Variants in KAT2B observed in about 807,000 individuals in gnomAD.
KAT2B encodes histone acetyltransferase KAT2B.
KAT2B carries 36 observed loss-of-function variants against 105.9 expected under a neutral mutation model. That is an observed-to-expected ratio of 0.34 (90% CI 0.26 to 0.45). The LOEUF is 0.45. KAT2B is among the 20% of genes least tolerant of loss of function. KAT2B has a pLI of 1.00. For missense variants in KAT2B, 820 were observed against 1,021.6 expected, an observed-to-expected ratio of 0.80 and a Z score of 2.69; for synonymous variants, 397 against 377.9, an observed-to-expected ratio of 1.05 and a Z score of -0.59.
At chr3:20,126,518 TA>T (rs34431414) in intron 10 of KAT2B, among the ~76,000 whole-genome samples, 62 of 141,652 alleles carry the variant, frequency 4.4e-4, no homozygotes, top group Non-Finnish European at 5.7e-4. Flanking sequence ...ATCCATTGCT[TA>T]AAAAAAAAAA....
At chr3:20,068,089 C>T (rs768928628) in intron 1 of KAT2B, among the ~76,000 whole-genome samples, 6 of 151,794 alleles carry the variant, frequency 4.0e-5, no homozygotes, top group East Asian at 1.9e-4. Flanking sequence ...CTCTGCCTCC[C>T]GGGTTCAAGC....
intron 13 of KAT2B, 115 bp from the exon 14 acceptor site, chr3:20,146,201 A>T: frequency 1.5e-6 from 1 of 674,356 alleles, no homozygotes; most frequent in East Asian, 2.5e-5. Context: ...CCTTTCTCCC[A>T]TCTTATTTCA....
At chr3:20,061,962 A>G (rs1201703919) in intron 1 of KAT2B, among the ~76,000 whole-genome samples, 4 of 108,050 alleles carry the variant, frequency 3.7e-5, no homozygotes, top group Non-Finnish European at 7.0e-5. Flanking sequence ...TATATAAAAC[A>G]TAATATATAT....
intron 8 of KAT2B, among the ~76,000 whole-genome samples, chr3:20,121,126 T>C (rs1367943970): frequency 6.6e-6 from 1 of 152,204 alleles, no homozygotes; most frequent in African/African-American, 2.4e-5. Context: ...TCTGAAAATA[T>C]TGTTACTTGT....
At position 20,097,437 on chromosome 3, in the gene KAT2B, A is replaced by G. The variant is rs1053430473; in HGVS notation, c.576+2029A>G. 3.3e-5 allele frequency among the ~76,000 whole-genome samples: 5 copies of G among 152,214 alleles called. No individual in the cohort carries two copies. The East Asian group carries it at 9.6e-4, about 29-fold the overall frequency. ...TCAGCATTCTCCCCACCTCCTGCAA[A>G]AAGTATTATTCTTGGGCAAATAAGT... On this transcript the variant is annotated intron_variant, in intron 3 of 17. Transcript: ENST00000263754.
chr3:20,046,053 A>G (rs1344273998), intron 1 of KAT2B, among the ~76,000 whole-genome samples: 7 of 152,266 alleles, frequency 4.6e-5, no homozygotes, highest in Admixed American at 6.5e-5. Context: ...GCATGTATAA[A>G]GTGGTGATCA....
intron 9 of KAT2B, among the ~76,000 whole-genome samples, chr3:20,125,504 C>A (rs1416518978): frequency 6.6e-6 from 1 of 152,168 alleles, no homozygotes; most frequent in Non-Finnish European, 1.5e-5. Context: ...TGGAACAGTA[C>A]TGCACCCATT....
At chr3:20,056,110 G>A (rs1697999767) in intron 1 of KAT2B, among the ~76,000 whole-genome samples, 1 of 152,170 alleles carries the variant, frequency 6.6e-6, no homozygotes, top group African/African-American at 2.4e-5. Flanking sequence ...GCTGCTCTGA[G>A]AAGAATAAAG....
chr3:20,060,497 A>G lies in KAT2B; in HGVS notation c.304-11836A>G, dbSNP rs549276582. Among the ~76,000 whole-genome samples, 366 of 152,296 alleles carry G rather than the reference A, an allele frequency of 2.4e-3. 1 individual carries two copies. Among genetic ancestry groups the G allele is most frequent in the African/African-American group, 8.5e-3 (352 of 41,570 alleles). On this transcript the variant is annotated intron_variant, in intron 1 of 17. Coordinates refer to ENST00000263754, the MANE Select transcript of KAT2B (RefSeq NM_003884.5). ...ATGCCTGTAATCCCAGCTACTGGGG[A>G]GGCTGAGGCAGGAGAATCTCTTAAA...
intron 2 of KAT2B, among the ~76,000 whole-genome samples, chr3:20,073,249 A>C (rs1698358962): frequency 6.6e-6 from 1 of 152,172 alleles, no homozygotes; most frequent in African/African-American, 2.4e-5. Context: ...AGTCTCCCCC[A>C]AAATGTCAAC....
At chr3:20,077,044 T>C (rs1167210810) in intron 2 of KAT2B, among the ~76,000 whole-genome samples, 1 of 152,124 alleles carries the variant, frequency 6.6e-6, no homozygotes, top group East Asian at 1.9e-4. Context: ...TTTTGTGTAG[T>C]CTCCTGACAA....
chr3:20,149,239 CAG>C (rs1312763913), intron 17 of KAT2B, among the ~76,000 whole-genome samples: 3 of 152,068 alleles, frequency 2.0e-5, no homozygotes, highest in South Asian at 4.1e-4. Flanking sequence ...TGGAGAGAGC[CAG>C]AGTCTTCTGT....
At chr3:20,123,716 A>T (rs773027860) in intron 9 of KAT2B, among the ~76,000 whole-genome samples, 2 of 152,170 alleles carry the variant, frequency 1.3e-5, no homozygotes, top group Non-Finnish European at 2.9e-5. Context: ...AGTCTCCTTT[A>T]AAACAACTCC....
chr3:20,087,327 TTA>T (rs1179996323), intron 2 of KAT2B, among the ~76,000 whole-genome samples: 3 of 152,198 alleles, frequency 2.0e-5, no homozygotes, highest in Non-Finnish European at 4.4e-5. Flanking sequence ...ATATGTACAA[TTA>T]TATGTTAATT....
chr3:20,140,302 T>A lies in KAT2B; in HGVS notation c.1942T>A (p.Cys648Ser). ...KDYEGATLMG[C>S]ELNPRIPYTE... The stretch of plus-strand genomic sequence containing the variant: ...TTATGAAGGAGCCACTTTAATGGGA[T>A]GTGAGCTAAATCCACGGATCCCGTA... The change falls in exon 13 of 18, where the codon TGT (cysteine) becomes AGT (serine). Residue 648 changes from cysteine to serine, a missense_variant. Cys to Ser is a moderately radical substitution (Grantham distance 112). Around this residue, in one of 6 missense-constraint regions of KAT2B, gnomAD observed 227 missense variants for 292.9 expected, o/e 0.77. Coordinates refer to ENST00000263754, the MANE Select transcript of KAT2B (RefSeq NM_003884.5). 2.5e-6 allele frequency: 4 copies of A among 1,613,010 alleles called. No individual in the cohort carries two copies. Among genetic ancestry groups the A allele is most frequent in the Non-Finnish European group, 3.4e-6 (4 of 1,179,004 alleles).
At chr3:20,115,029 G>T in intron 7 of KAT2B, 41 bp downstream of exon 7, 1 of 1,267,034 alleles carries the variant, frequency 7.9e-7, no homozygotes, top group Non-Finnish European at 1.2e-6. Context: ...AACCAGGGAG[G>T]CCAACCTGAA....
At chr3:20,047,340 G>A (rs962856024) in intron 1 of KAT2B, among the ~76,000 whole-genome samples, 2 of 152,086 alleles carry the variant, frequency 1.3e-5, no homozygotes, top group Non-Finnish European at 2.9e-5. Context: ...CCAAAGTGCT[G>A]GGATTACAGG....
chr3:20,050,830 C>T (rs1341735189), intron 1 of KAT2B, among the ~76,000 whole-genome samples: 2 of 151,218 alleles, frequency 1.3e-5, no homozygotes, highest in Admixed American at 6.6e-5. Context: ...GAATCTTTAA[C>T]TAAGCTTTTG....
At chr3:20,123,325 C>T (rs1297579532) in intron 9 of KAT2B, among the ~76,000 whole-genome samples, 1 of 152,146 alleles carries the variant, frequency 6.6e-6, no homozygotes, top group Non-Finnish European at 1.5e-5. Flanking sequence ...CTTACATAAC[C>T]ACAATGCAGT....
Sources: gnomAD v4.1 joint callset for allele counts (sites outside exome capture counted in the v4.1 genomes callset) on GRCh38, gnomAD v4.1.1 for gene constraint, gnomAD v4.1.1 regional missense constraint, MANE v1.5 for transcripts, NCBI Gene and HGNC (gene_info 2026-07-23, HGNC 2026-07-21) for gene names.